Variants in MEF2C observed in about 807,000 individuals in gnomAD.
MEF2C encodes myocyte enhancer factor 2C, also known as myocyte-specific enhancer factor 2C.
Under a neutral mutation model 50.5 loss-of-function variants are expected in MEF2C, and 6 were observed. The ratio of observed to expected loss-of-function variants is 0.12; its 90% CI spans 0.07 to 0.23. MEF2C has a LOEUF of 0.23. Among genes scored for constraint, MEF2C ranks in the 10% least tolerant of loss-of-function variants. MEF2C has a pLI of 1.00. For synonymous variants in MEF2C, 183 were observed against 228.0 expected (o/e 0.80, Z 1.78); for missense variants, 276 against 605.0 (o/e 0.46, Z 5.70).
intron 2 of MEF2C, among the ~76,000 whole-genome samples, chr5:88,806,521 C>A (rs899153844): frequency 7.2e-5 from 11 of 152,136 alleles, no homozygotes; most frequent in African/African-American, 2.2e-4. Flanking sequence ...TGGCCTGCCA[C>A]CTTCTCCCAC....
chr5:88,741,552 T>A, intron 6 of MEF2C: 1 of 985,448 alleles, frequency 1.0e-6, no homozygotes, highest in Non-Finnish European at 1.2e-6. Flanking sequence ...TTGCTTAATA[T>A]TAGAGCCAAC....
At chr5:88,827,059 C>T (rs961262950) in intron 1 of MEF2C, 3 of 151,774 alleles carry the variant, frequency 2.0e-5, no homozygotes, top group Admixed American at 6.6e-5. Context: ...TTCATTATGG[C>T]AGGCTTCTGC....
upstream of MEF2C, among the ~76,000 whole-genome samples, chr5:88,887,936 GT>G (rs1379749365): frequency 6.6e-6 from 1 of 152,196 alleles, no homozygotes; most frequent in Non-Finnish European, 1.5e-5. Context: ...AGGATTCTAT[GT>G]TTATCTGTAT....
chr5:88,743,317 G>A, intron 6 of MEF2C: 1 of 985,222 alleles, frequency 1.0e-6, no homozygotes, highest in Non-Finnish European at 1.2e-6. Context: ...CCACTTCACT[G>A]ATATTTTAAG....
intron 1 of MEF2C, among the ~76,000 whole-genome samples, chr5:88,875,017 G>C (rs1307814020): frequency 6.6e-6 from 1 of 151,892 alleles, no homozygotes; most frequent in Non-Finnish European, 1.5e-5. Flanking sequence ...ATGGCAGCTA[G>C]AAATTATTTT....
At chr5:88,805,463 A>G (rs1042962382) in intron 2 of MEF2C, among the ~76,000 whole-genome samples, 1 of 152,110 alleles carries the variant, frequency 6.6e-6, no homozygotes, top group East Asian at 1.9e-4. Flanking sequence ...ATCTATTACC[A>G]AGACCCATAA....
intron 3 of MEF2C, among the ~76,000 whole-genome samples, chr5:88,792,129 A>G (rs1794062974): frequency 6.6e-6 from 1 of 152,146 alleles, no homozygotes; most frequent in African/African-American, 2.4e-5. Flanking sequence ...TTTTCTGGAG[A>G]AATTAATTTA....
chr5:88,882,887 T>C (rs1474527343), intron 1 of MEF2C, 68 bp downstream of exon 1: 1 of 152,084 alleles, frequency 6.6e-6, no homozygotes, highest in Non-Finnish European at 1.5e-5. Flanking sequence ...CCGTGGAATA[T>C]ATTGATGCAG....
At chr5:88,771,477 C>A (rs967376532) in intron 3 of MEF2C, 1 of 985,288 alleles carries the variant, frequency 1.0e-6, no homozygotes, top group Admixed American at 6.1e-5. Flanking sequence ...CTTTTCTGTA[C>A]CTGTACAGTC....
At chr5:88,764,650 T>C (rs1779213039) in intron 3 of MEF2C, among the ~76,000 whole-genome samples, 1 of 151,376 alleles carries the variant, frequency 6.6e-6, no homozygotes, top group Non-Finnish European at 1.5e-5. Context: ...CTACCAAAAA[T>C]ACAAAAAATA....
chr5:88,865,800 G>A (rs573497392), intron 1 of MEF2C, among the ~76,000 whole-genome samples: 1 of 152,236 alleles, frequency 6.6e-6, no homozygotes, highest in East Asian at 1.9e-4. Context: ...CCCGCCAGTG[G>A]GCATCGTAAG....
intron 2 of MEF2C, among the ~76,000 whole-genome samples, chr5:88,812,636 T>C (rs700589): frequency 6.6e-6 from 1 of 151,894 alleles, no homozygotes; most frequent in South Asian, 2.1e-4. Flanking sequence ...ATTTTATAAT[T>C]AATTATCTCC....
rs951625286 is a variant in MEF2C, at chr5:88,733,997, T to C, written c.638-2096A>G. On this transcript the variant is annotated intron_variant, in intron 6 of 10. Transcript: ENST00000504921. The stretch of plus-strand genomic sequence containing the variant: ...GTATTCCATGGCAAAAGCTGTTACA[T>C]AAAACAATGCATTTACTTCCTCTCA... The C allele has an allele frequency of 1.7e-5, 17 of 984,162 alleles. No individual in the cohort carries two copies. The African/African-American group carries it at 3.0e-4, about 17-fold the overall frequency. 61.0% of individuals were successfully genotyped at this position (984,162 alleles called of 1,614,324 possible).
At chr5:88,875,879 A>G (rs1213915724) in intron 1 of MEF2C, among the ~76,000 whole-genome samples, 5 of 151,852 alleles carry the variant, frequency 3.3e-5, no homozygotes, top group African/African-American at 1.2e-4. Flanking sequence ...TGCAGCCAGG[A>G]AGTTTTCATT....
At chr5:88,890,662 A>AAAAG (rs912737557) in intron 1 of MEF2C, among the ~76,000 whole-genome samples, 5 of 152,194 alleles carry the variant, frequency 3.3e-5, no homozygotes, top group East Asian at 1.9e-4. Flanking sequence ...GCTGGTTAAA[A>AAAAG]AAAGAAAGAA....
chr5:88,749,095 G>T lies in MEF2C; in HGVS notation c.612C>A (p.Leu204=), dbSNP rs1771367792. The T allele has an allele frequency of 6.3e-7, 1 of 1,576,030 alleles. No homozygotes were observed. The highest frequency in any genetic ancestry group is 8.6e-7 in the Non-Finnish European group (1 of 1,160,168). Residue 204 remains leucine (L), a synonymous_variant, in exon 6 of 11, where the codon CTC becomes CTA. Coordinates refer to ENST00000504921, the MANE Select transcript of MEF2C (RefSeq NM_002397.5). ...CTGCACTGGTGCCTGCACCAGACGT[G>T]AGGTCTCCACCCATCAGACCACCTA... ...GNTGGLMGGD[L]TSGAGTSAGN... is the part of the protein sequence containing the mutation.
intron 3 of MEF2C, among the ~76,000 whole-genome samples, chr5:88,789,415 GTC>G (rs1486730559): frequency 6.6e-6 from 1 of 151,746 alleles, no homozygotes; most frequent in African/African-American, 2.4e-5. Context: ...TAATCCTCCT[GTC>G]TCAGCCTCCC....
At chr5:88,889,072 G>A (rs1262451170) in intron 1 of MEF2C, 2 of 152,098 alleles carry the variant, frequency 1.3e-5, no homozygotes, top group Non-Finnish European at 2.9e-5. Flanking sequence ...GTGGAAGTGG[G>A]GATTAAAAAT....
chr5:88,799,555 T>C (rs1319674618), intron 3 of MEF2C, among the ~76,000 whole-genome samples: 4 of 152,236 alleles, frequency 2.6e-5, no homozygotes, highest in African/African-American at 9.6e-5. Context: ...ACAAAAATTG[T>C]ATTTAGTATT....
Sources: allele counts gnomAD v4.1 joint callset (sites outside exome capture counted in the v4.1 genomes callset), GRCh38; gene constraint gnomAD v4.1.1; transcripts MANE v1.5; gene names NCBI Gene and HGNC (gene_info 2026-07-23, HGNC 2026-07-21).